LURAP1L: variants seen among roughly 807,000 people sequenced by gnomAD.
LURAP1L encodes leucine rich adaptor protein 1-like.
In LURAP1L, 12 loss-of-function variants were observed where a neutral mutation model predicts 13.8. The observed-to-expected ratio is 0.87, with a 90% CI of 0.56 to 1.41. The LOEUF is 1.41. Among genes scored for constraint, LURAP1L ranks in the 40% most tolerant of loss-of-function variants. The pLI is 0.00. For missense variants in LURAP1L, 375 were observed against 292.9 expected (o/e 1.28, Z -2.04); for synonymous variants, 139 against 119.2 (o/e 1.17, Z -1.08).
At chr9:12,792,494 A>G (rs1819453975) in intron 1 of LURAP1L, among the ~76,000 whole-genome samples, 1 of 152,122 alleles carries the variant, frequency 6.6e-6, no homozygotes, top group Non-Finnish European at 1.5e-5. Context: ...TAACATTTGC[A>G]GCATACATTT....
rs1156319988 is a variant in LURAP1L, at chr9:12,820,508, C to T, written c.313-878C>T. On this transcript the variant is annotated intron_variant, in intron 1 of 1. Coordinates refer to ENST00000319264, the MANE Select transcript of LURAP1L (RefSeq NM_203403.2). Reference sequence around the variant, plus strand: ...ACAGATCGAGACTCCGTCCCCCCCCCCCCCCCAAAAAAAAAAAAGGACCAC... The same window carrying T: ...ACAGATCGAGACTCCGTCCCCCCCCTCCCCCCAAAAAAAAAAAAGGACCAC... Among the ~76,000 whole-genome samples, 5 of 77,626 alleles carry T rather than the reference C, an allele frequency of 6.4e-5. 1 individual carries two copies. The highest frequency in any genetic ancestry group is 1.3e-4 in the Non-Finnish European group (4 of 30,266). 50.9% of individuals were successfully genotyped at this position (77,626 alleles called of 152,430 possible).
chr9:12,812,419 G>A (rs992241700), intron 1 of LURAP1L, among the ~76,000 whole-genome samples: 1 of 152,206 alleles, frequency 6.6e-6, no homozygotes, highest in Non-Finnish European at 1.5e-5. Context: ...TTCTGTTGCA[G>A]AGATTGCTTC....
At chr9:12,820,221 C>G (rs540874211) in intron 1 of LURAP1L, among the ~76,000 whole-genome samples, 15 of 152,124 alleles carry the variant, frequency 9.9e-5, no homozygotes, top group African/African-American at 3.4e-4. Flanking sequence ...GGACCACACA[C>G]CTGCCGGGAG....
chr9:12,781,920 ATTAT>A (rs1207823770), intron 1 of LURAP1L, among the ~76,000 whole-genome samples: 9 of 152,124 alleles, frequency 5.9e-5, no homozygotes, highest in Non-Finnish European at 8.8e-5. Context: ...ACCGGCATTA[ATTAT>A]TGTTTGTTGT....
At chr9:12,777,780 G>A (rs1037938801) in intron 1 of LURAP1L, among the ~76,000 whole-genome samples, 22 of 152,156 alleles carry the variant, frequency 1.4e-4, no homozygotes, top group African/African-American at 5.3e-4. Flanking sequence ...GTTCCACTTA[G>A]GATGCACAAC....
chr9:12,816,688 G>A (rs2118549093), intron 1 of LURAP1L, among the ~76,000 whole-genome samples: 1 of 152,234 alleles, frequency 6.6e-6, no homozygotes, highest in Admixed American at 6.5e-5. Flanking sequence ...CATAGACTCA[G>A]TTCATCACCT....
chr9:12,787,589 T>G (rs1297453879), intron 1 of LURAP1L, among the ~76,000 whole-genome samples: 1 of 152,172 alleles, frequency 6.6e-6, no homozygotes, highest in Non-Finnish European at 1.5e-5. Context: ...AGCCAGTTGA[T>G]CATCAACCTT....
Position 12,780,370 on chromosome 9 carries a change from G to T in LURAP1L, c.312+4343G>T, listed in dbSNP as rs530156795. On this transcript the variant is annotated intron_variant, in intron 1 of 1. Coordinates refer to ENST00000319264, the MANE Select transcript of LURAP1L (RefSeq NM_203403.2). Reference sequence around the variant, plus strand: ...AAACTGCACTCATAGAATTCACAAGGAAAAAAAACAAGGTTATATTTCAAA... The same window carrying T: ...AAACTGCACTCATAGAATTCACAAGTAAAAAAAACAAGGTTATATTTCAAA... Among the ~76,000 whole-genome samples the T allele has an allele frequency of 1.0e-4, 4 of 39,386 alleles. No individual in the cohort carries two copies. The South Asian group carries it at 2.8e-3, about 27-fold the overall frequency. The allele number at this position is 39,386 out of a possible 152,430, so 25.8% of individuals were successfully genotyped here.
intron 1 of LURAP1L, chr9:12,777,350 A>C (rs1819201757): frequency 7.1e-6 from 7 of 985,430 alleles, no homozygotes; most frequent in Non-Finnish European, 8.4e-6. Context: ...CCGTATCACA[A>C]AGATCAGACA....
chr9:12,790,747 T>G (rs924716548), intron 1 of LURAP1L: 3 of 144,160 alleles, frequency 2.1e-5, no homozygotes, highest in Admixed American at 2.0e-4. Context: ...AGGCAGTAGT[T>G]TTTTTTTTTT....
At chr9:12,795,769 G>T (rs1422756816) in intron 1 of LURAP1L, among the ~76,000 whole-genome samples, 1 of 151,918 alleles carries the variant, frequency 6.6e-6, no homozygotes, top group East Asian at 1.9e-4. Context: ...TCTTACAATT[G>T]TCTTCTTGGG....
intron 1 of LURAP1L, among the ~76,000 whole-genome samples, chr9:12,798,844 A>G (rs1344714131): frequency 6.6e-6 from 1 of 152,154 alleles, no homozygotes; most frequent in Non-Finnish European, 1.5e-5. Flanking sequence ...TGTGCGAGTG[A>G]CCCTTGCTTG....
chr9:12,789,676 C>T (rs1181816692), intron 1 of LURAP1L, among the ~76,000 whole-genome samples: 2 of 152,174 alleles, frequency 1.3e-5, no homozygotes, highest in African/African-American at 2.4e-5. Flanking sequence ...GAGTTGACAA[C>T]TACTTTAAGA....
At chr9:12,777,545 A>C in intron 1 of LURAP1L, 2 of 974,582 alleles carry the variant, frequency 2.1e-6, no homozygotes, top group Non-Finnish European at 2.4e-6. Context: ...TAATATATTC[A>C]CTTAATCTAA....
At chr9:12,783,342 C>T (rs572147487) in intron 1 of LURAP1L, among the ~76,000 whole-genome samples, 4 of 152,162 alleles carry the variant, frequency 2.6e-5, no homozygotes, top group Admixed American at 2.6e-4. Context: ...AGCTGTAGGT[C>T]TGTTTATATG....
chr9:12,811,277 A>G (rs1819732246), intron 1 of LURAP1L, among the ~76,000 whole-genome samples: 1 of 152,222 alleles, frequency 6.6e-6, no homozygotes, highest in Admixed American at 6.6e-5. Flanking sequence ...TCTTTAAATT[A>G]TATCTGAATG....
intron 1 of LURAP1L, among the ~76,000 whole-genome samples, chr9:12,801,266 C>G (rs963745098): frequency 6.6e-6 from 1 of 151,608 alleles, no homozygotes. Context: ...TTAGCCGCAT[C>G]TCTCCAAAGA....
At chr9:12,813,022 C>CTTCAGATT (rs1819758664) in intron 1 of LURAP1L, among the ~76,000 whole-genome samples, 2 of 151,960 alleles carry the variant, frequency 1.3e-5, no homozygotes, top group South Asian at 4.1e-4. Flanking sequence ...ATAAGATTAC[C>CTTCAGATT]TTCAGATTTT....
At chr9:12,787,134 C>T (rs976987100) in intron 1 of LURAP1L, among the ~76,000 whole-genome samples, 1 of 152,116 alleles carries the variant, frequency 6.6e-6, no homozygotes, top group Non-Finnish European at 1.5e-5. Flanking sequence ...AAAAGTTCTT[C>T]ACATTCCTCT....
Sources: gnomAD v4.1 joint callset for allele counts (sites outside exome capture counted in the v4.1 genomes callset) on GRCh38, gnomAD v4.1.1 for gene constraint, MANE v1.5 for transcripts, NCBI Gene and HGNC (gene_info 2026-07-23, HGNC 2026-07-21) for gene names.